Variants in UNC119 observed in about 807,000 individuals in gnomAD.
The protein encoded by UNC119 is unc-119 lipid binding chaperone.
UNC119 carries 15 observed loss-of-function variants against 22.6 expected under a neutral mutation model. That is an observed-to-expected ratio of 0.66 (90% CI 0.44 to 1.02). The LOEUF (loss-of-function observed/expected upper bound fraction) is 1.02. Ranked by LOEUF, UNC119 falls within the 50% of genes least tolerant of loss-of-function variation. The pLI is 0.00. For synonymous variants in UNC119, 138 were observed against 139.4 expected (o/e 0.99, Z 0.07); for missense variants, 322 against 336.0 (o/e 0.96, Z 0.33).
Position 28,552,500 on chromosome 17 carries a change from G to A in UNC119, c.58C>T (p.Pro20Ser). The A allele has an allele frequency of 6.4e-7, 1 of 1,566,360 alleles. No individual in the cohort carries two copies. The highest frequency in any genetic ancestry group is 8.6e-7 in the Non-Finnish European group (1 of 1,166,350). ...ATGGGGGCCACGCTCTGGCCCGAGG[G>A]CCCCGGAGCGGACTCCGTCGCCGTC... ...AGTATESAPG[P>S]SGQSVAPIPQ... Residue 20 changes from proline to serine, a missense_variant, in exon 1 of 5, where the codon CCC becomes TCC. By Grantham distance (74) the Pro-to-Ser change is moderately conservative. Coordinates refer to ENST00000335765, the MANE Select transcript of UNC119 (RefSeq NM_005148.4).
rs2070231250 is a variant in UNC119, at chr17:28,548,097, C to A, written c.339G>T (p.Arg113=). 1 of 1,612,884 alleles carries A rather than the reference C, an allele frequency of 6.2e-7. No homozygotes were observed. ...FEIKKPPVSE[R]LPINRRDLDP... ...CCAGGTCCCGCCGGTTGATGGGCAA[C>A]CGTTCTGCAATGTACCCCAGCTGGG... Residue 113 remains arginine, a synonymous_variant, in exon 3 of 5, where the codon CGG becomes CGT. Transcript: ENST00000335765.
Position 28,547,120 on chromosome 17 carries a change from TG to T in UNC119, c.*176del. On this transcript the variant is annotated 3_prime_UTR_variant, in exon 5 of 5. Coordinates refer to ENST00000335765, the MANE Select transcript of UNC119 (RefSeq NM_005148.4). ...ACCCCACCCCATGTAGCAGGCCGCA[TG>T]GGCTTCATGGGCTTGACTGGGGACA... The T allele has an allele frequency of 1.3e-6, 1 of 742,200 alleles. No homozygotes were observed. Among genetic ancestry groups the T allele is most frequent in the Non-Finnish European group, 2.3e-6 (1 of 443,842 alleles). The allele number at this position is 742,200 out of a possible 1,614,324, so 46.0% of individuals were successfully genotyped here. A position where few individuals can be genotyped will look rare whatever the true frequency, so the allele number is the denominator to read the frequency against.
Position 28,552,345 on chromosome 17 carries a change from G to A in UNC119, c.213C>T (p.Ile71=). Residue 71 remains isoleucine (I), a synonymous_variant, in exon 1 of 5, where the codon ATC becomes ATT. Coordinates refer to ENST00000335765, the MANE Select transcript of UNC119 (RefSeq NM_005148.4). ...TCCCTCGCGGGTGCTCACCACCGGT[G>A]ATCCGCTGCAGCCCCAGCACGTCCT... ...GPEDVLGLQR[I]TGDYLCSPEE... The A allele has an allele frequency of 1.3e-6, 2 of 1,536,426 alleles. No homozygotes were observed. The highest frequency in any genetic ancestry group is 1.7e-6 in the Non-Finnish European group (2 of 1,147,610).
chr17:28,547,495 C>A, intron 4 of UNC119, 86 bp from the exon 5 acceptor site: 1 of 1,590,196 alleles, frequency 6.3e-7, no homozygotes, highest in Non-Finnish European at 8.6e-7. Context: ...GGTACAGGGA[C>A]AGCCAAACAG....
rs1306153942 is a variant in UNC119 at position 28,552,606 on chromosome 17, CG to C, written c.-50del. ...CTGCTGCTGCCGCCGCTGCCTGCGC[CG>C]GCTGGAGCCGGGGGAAGTGGGAGCA... On this transcript the variant is annotated 5_prime_UTR_variant, in exon 1 of 5. Coordinates refer to ENST00000335765, the MANE Select transcript of UNC119 (RefSeq NM_005148.4). The C allele has an allele frequency of 2.7e-6, 4 of 1,459,258 alleles. No individual in the cohort carries two copies. The highest frequency in any genetic ancestry group is 3.6e-6 in the Non-Finnish European group (4 of 1,109,034). 90.4% of individuals were successfully genotyped at this position (1,459,258 alleles called of 1,614,324 possible).
rs568283544 is a variant in UNC119, at chr17:28,547,157, T to C, written c.*140A>G. On this transcript the variant is annotated 3_prime_UTR_variant, in exon 5 of 5. Coordinates refer to ENST00000335765, the MANE Select transcript of UNC119 (RefSeq NM_005148.4). ...GCTTGACTGGGGACACCAGGTACCC[T>C]TCCTCCCAACATTGACTCAGGGTCC... 398 of 1,040,874 alleles carry C rather than the reference T, an allele frequency of 3.8e-4. No homozygotes were observed. The highest frequency in any genetic ancestry group is 2.0e-3 in the Middle Eastern group (7 of 3,564). The allele number at this position is 1,040,874 out of a possible 1,614,324, so 64.5% of individuals were successfully genotyped here.
chr17:28,552,609 C>T lies in UNC119; in HGVS notation c.-52G>A, dbSNP rs1240851067. The T allele has an allele frequency of 7.5e-6, 11 of 1,460,604 alleles. No individual in the cohort carries two copies. The South Asian group carries it at 1.4e-4, about 19-fold the overall frequency. 90.5% of individuals were successfully genotyped at this position (1,460,604 alleles called of 1,614,324 possible). On this transcript the variant is annotated 5_prime_UTR_variant, in exon 1 of 5. Coordinates refer to ENST00000335765, the MANE Select transcript of UNC119 (RefSeq NM_005148.4). ...CTGCTGCCGCCGCTGCCTGCGCCGG[C>T]TGGAGCCGGGGGAAGTGGGAGCATC...
rs1357725373 is a variant in UNC119, at chr17:28,547,285, G to A, written c.*12C>T. ...AGAACTGGAGCCTCCTGGGGTCAGG[G>A]CAGCCGTGGGGTCAGGGTGTCCCGC... On this transcript the variant is annotated 3_prime_UTR_variant, in exon 5 of 5. Coordinates refer to ENST00000335765, the MANE Select transcript of UNC119 (RefSeq NM_005148.4). The A allele has an allele frequency of 1.2e-6, 2 of 1,613,964 alleles. No individual in the cohort carries two copies. Among genetic ancestry groups the A allele is most frequent in the South Asian group, 2.2e-5 (2 of 91,078 alleles).
chr17:28,547,771 G>C lies in UNC119; in HGVS notation c.516C>G (p.Leu172=). The C allele has an allele frequency of 1.2e-6, 2 of 1,614,204 alleles. No individual in the cohort carries two copies. Among genetic ancestry groups the C allele is most frequent in the Non-Finnish European group, 1.7e-6 (2 of 1,180,040 alleles). ...IERHYFRNQL[L]KSFDFHFGFC... is the part of the protein sequence containing the mutation. ...AGCCAAAGTGGAAGTCGAAGCTTTT[G>C]AGTAGCTGGTTGCGGAAGTAGTGCC... The change falls in exon 4 of 5, where the codon CTC becomes CTG. Residue 172 remains leucine, a synonymous_variant. Coordinates refer to ENST00000335765, the MANE Select transcript of UNC119 (RefSeq NM_005148.4).
chr17:28,547,205 A>G lies in UNC119; in HGVS notation c.*92T>C. 2.0e-6 allele frequency: 3 copies of G among 1,498,816 alleles called. No individual in the cohort carries two copies. The highest frequency in any genetic ancestry group is 1.2e-5 in the South Asian group (1 of 85,942). 92.8% of individuals were successfully genotyped at this position (1,498,816 alleles called of 1,614,324 possible). ...TCCGGAGCTCCTGGAGAACTCCCCA[A>G]GCAGAGGACTTGGGGTTGAGGGGTG... On this transcript the variant is annotated 3_prime_UTR_variant, in exon 5 of 5. Coordinates refer to ENST00000335765, the MANE Select transcript of UNC119 (RefSeq NM_005148.4).
Position 28,548,068 on chromosome 17 carries a change from G to A in UNC119, c.368C>T (p.Pro123Leu), listed in dbSNP as rs372132951. The change falls in exon 3 of 5, where the codon CCC (proline) becomes CTC (leucine). Residue 123 changes from proline (P) to leucine (L), a missense_variant. Transcript: ENST00000335765. ...RLPINRRDLD[P>L]NAGRFVRYQF... is the part of the protein sequence containing the mutation. ...GTAGCGGACAAAGCGCCCAGCATTG[G>A]GGTCCAGGTCCCGCCGGTTGATGGG... is the stretch of plus-strand genomic sequence containing the variant. 1 of 1,613,816 alleles carries A rather than the reference G, an allele frequency of 6.2e-7. No individual in the cohort carries two copies. The highest frequency in any genetic ancestry group is 2.2e-5 in the East Asian group (1 of 44,872).
In UNC119 at chr17:28,548,668, G is replaced by A. The variant is rs767872520; in HGVS notation, c.258C>T (p.Ile86=). The change falls in exon 2 of 5, where the codon ATC becomes ATT. Residue 86 remains isoleucine (I), a synonymous_variant. Transcript: ENST00000335765. ...LCSPEENIYK[I]DFVRFKIRDM... ...CCCGAATCTTAAACCTGACAAAGTC[G>A]ATCTTGTAGATATTCTCCTCAGGGG... 1.7e-5 allele frequency: 28 copies of A among 1,614,036 alleles called. 2 individuals carry two copies. In the South Asian group the frequency reaches 2.0e-4, roughly 11 times the overall value.
intron 3 of UNC119, 22 bp from the exon 4 acceptor site, chr17:28,547,871 G>A (rs765116657): frequency 6.2e-7 from 1 of 1,613,786 alleles, no homozygotes; most frequent in South Asian, 1.1e-5. Context: ...AAGGAGGCAG[G>A]GCTAAGTCTG....
In UNC119 at chr17:28,548,064, A is replaced by G; in HGVS notation, c.372T>C (p.Asn124=). 5 of 1,613,820 alleles carry G rather than the reference A, an allele frequency of 3.1e-6. No individual in the cohort carries two copies. Among genetic ancestry groups the G allele is most frequent in the Non-Finnish European group, 4.2e-6 (5 of 1,180,004 alleles). ...LPINRRDLDP[N]AGRFVRYQFT... ...ACTGGTAGCGGACAAAGCGCCCAGC[A>G]TTGGGGTCCAGGTCCCGCCGGTTGA... The change falls in exon 3 of 5, where the codon AAT becomes AAC. Residue 124 remains asparagine, a synonymous_variant. Transcript: ENST00000335765.
intron 1 of UNC119, chr17:28,552,087 G>C (rs1242344731): frequency 4.4e-6 from 3 of 683,134 alleles, no homozygotes; most frequent in Non-Finnish European, 8.2e-6. Context: ...AAAAGGGGAC[G>C]GGCCCCTGGA....
rs768136179 is a variant in UNC119 at position 28,548,118 on chromosome 17, C to T, written c.335-17G>A. ...GCAACCGTTCTGCAATGTACCCCAG[C>T]TGGGGCTCAGTGGGCTTCAGGCTGG... On this transcript the variant is annotated splice_polypyrimidine_tract_variant and intron_variant, in intron 2 of 4. Transcript: ENST00000335765. 1 of 1,603,944 alleles carries T rather than the reference C, an allele frequency of 6.2e-7. No homozygotes were observed. Among genetic ancestry groups the T allele is most frequent in the African/African-American group, 1.3e-5 (1 of 74,626 alleles).
In UNC119 at chr17:28,547,033, G is replaced by A. The variant is rs1031701864; in HGVS notation, c.*264C>T. Reference sequence around the variant, plus strand: ...CAAGTAGGGCCCAGCTAAGTTGTCCGGAAGTCCTGACTGCTCCTCTCACAG... The same window carrying A: ...CAAGTAGGGCCCAGCTAAGTTGTCCAGAAGTCCTGACTGCTCCTCTCACAG... On this transcript the variant is annotated 3_prime_UTR_variant, in exon 5 of 5. Coordinates refer to ENST00000335765, the MANE Select transcript of UNC119 (RefSeq NM_005148.4). 1.1e-4 allele frequency: 49 copies of A among 457,940 alleles called. No individual in the cohort carries two copies. The highest frequency in any genetic ancestry group is 2.2e-4 in the African/African-American group (11 of 50,390). 28.4% of individuals were successfully genotyped at this position (457,940 alleles called of 1,614,324 possible). A position where few individuals can be genotyped will look rare whatever the true frequency, so the allele number is the denominator to read the frequency against.
rs1253435424 is a variant in UNC119, at chr17:28,552,459, C to T, written c.99G>A (p.Ala33=). 6.3e-6 allele frequency: 10 copies of T among 1,577,928 alleles called. No homozygotes were observed. The highest frequency in any genetic ancestry group is 5.5e-5 in the African/African-American group (4 of 73,284). ...QSVAPIPQPP[A]ESESGSESEP... ...CCGACTCGGACCCAGATTCGGATTC[C>T]GCAGGCGGCTGTGGTATGGGGGCCA... The change falls in exon 1 of 5, where the codon GCG becomes GCA. Residue 33 remains alanine, a synonymous_variant. Transcript: ENST00000335765.
At chr17:28,551,991 G>A (rs1337895267) in intron 1 of UNC119, 2 of 494,406 alleles carry the variant, frequency 4.0e-6, no homozygotes, top group Non-Finnish European at 8.1e-6. Flanking sequence ...CTTCATTAGT[G>A]CAGGGACGGG....
Sources: gnomAD v4.1 joint callset for allele counts on GRCh38, gnomAD v4.1.1 for gene constraint, MANE v1.5 for transcripts, NCBI Gene and HGNC (gene_info 2026-07-23, HGNC 2026-07-21) for gene names.